Variants in BMPR1A observed in about 807,000 individuals in gnomAD.
The protein encoded by BMPR1A is bone morphogenetic protein receptor type-1A.
Under a neutral mutation model 66.0 loss-of-function variants are expected in BMPR1A, and 7 were observed. The ratio of observed to expected loss-of-function variants is 0.11; its 90% CI spans 0.06 to 0.20. BMPR1A has a LOEUF of 0.20. Ranked by LOEUF, BMPR1A falls within the 10% of genes least tolerant of loss-of-function variation. BMPR1A has a pLI of 1.00. For synonymous variants in BMPR1A, 200 were observed against 229.7 expected (o/e 0.87, Z 1.17); for missense variants, 408 against 669.1 (o/e 0.61, Z 4.31).
At position 86,782,691 on chromosome 10, in the gene BMPR1A, GTTAT is replaced by G. The variant is rs528144857; in HGVS notation, c.-268+25775_-268+25778del. On this transcript the variant is annotated intron_variant, in intron 1 of 12. Coordinates refer to ENST00000372037, the MANE Select transcript of BMPR1A (RefSeq NM_004329.3). Reference sequence around the variant, plus strand: ...AGTCCTTAGCTCATTTTAAAGTTGTGTTATTTGTGGTTTTTGTTTTGTTACTGAG... The same window carrying G: ...AGTCCTTAGCTCATTTTAAAGTTGTGTTGTGGTTTTTGTTTTGTTACTGAG... 1.2e-3 allele frequency among the ~76,000 whole-genome samples: 176 copies of G among 151,094 alleles called. 1 individual carries two copies. Among genetic ancestry groups the G allele is most frequent in the African/African-American group, 4.2e-3 (173 of 41,266 alleles).
At chr10:86,854,876 A>G (rs1842617629) in intron 2 of BMPR1A, 1 of 234,156 alleles carries the variant, frequency 4.3e-6, no homozygotes, top group Non-Finnish European at 9.2e-6. Flanking sequence ...CCCTCCAGGC[A>G]GGGGAATGAC....
chr10:86,758,560 T>G (rs1847917896), intron 1 of BMPR1A, among the ~76,000 whole-genome samples: 1 of 152,240 alleles, frequency 6.6e-6, no homozygotes, highest in Non-Finnish European at 1.5e-5. Flanking sequence ...TCAAGCTGTC[T>G]TGTTGCTGCT....
Position 86,919,356 on chromosome 10 carries a change from C to T in BMPR1A, c.1053C>T (p.Gly351=), listed in dbSNP as rs1554891081. 1.2e-5 allele frequency: 19 copies of T among 1,613,274 alleles called. No homozygotes were observed. Among genetic ancestry groups the T allele is most frequent in the Non-Finnish European group, 1.6e-5 (19 of 1,179,858 alleles). Residue 351 remains glycine, a synonymous_variant, in exon 10 of 13, where the codon GGC becomes GGT. Coordinates refer to ENST00000372037, the MANE Select transcript of BMPR1A (RefSeq NM_004329.3). The part of the protein sequence containing the change: ...GLCHLHTEIY[G]TQGKPAIAHR... The stretch of plus-strand genomic sequence containing the variant: ...GCCACCTGCACACAGAAATTTATGG[C>T]ACCCAAGGAAAGCCCGCAATTGCTC...
chr10:86,777,407 C>G (rs1161431848), intron 1 of BMPR1A, among the ~76,000 whole-genome samples: 2 of 151,998 alleles, frequency 1.3e-5, no homozygotes, highest in African/African-American at 4.8e-5. Context: ...TAGTGAAACA[C>G]TGTGTCTGCA....
intron 5 of BMPR1A, among the ~76,000 whole-genome samples, chr10:86,895,080 A>C (rs1843207060): frequency 6.6e-6 from 1 of 152,222 alleles, no homozygotes; most frequent in Non-Finnish European, 1.5e-5. Context: ...ATTCGAAGTA[A>C]AGGCATCAGT....
chr10:86,821,256 C>T (rs1033482417), intron 1 of BMPR1A, among the ~76,000 whole-genome samples: 27 of 152,170 alleles, frequency 1.8e-4, no homozygotes, highest in African/African-American at 5.6e-4. Flanking sequence ...TTAGTTTCCT[C>T]ATCTTGAAAA....
intron 7 of BMPR1A, among the ~76,000 whole-genome samples, chr10:86,902,368 TTTTG>T (rs1318016416): frequency 4.1e-5 from 6 of 147,308 alleles, no homozygotes; most frequent in African/African-American, 1.6e-4. Flanking sequence ...ACTTTTCTTT[TTTTG>T]TTTTTTTTTC....
At chr10:86,878,160 CT>C (rs1460652179) in intron 3 of BMPR1A, among the ~76,000 whole-genome samples, 2 of 152,154 alleles carry the variant, frequency 1.3e-5, no homozygotes, top group Non-Finnish European at 2.9e-5. Flanking sequence ...GACTTTAGCT[CT>C]AGCTTTATCT....
chr10:86,921,369 T>A (rs996611090), intron 10 of BMPR1A, 151 bp from the exon 11 acceptor site: 2 of 975,802 alleles, frequency 2.0e-6, no homozygotes, highest in African/African-American at 1.6e-5. Flanking sequence ...GTATGTAGCA[T>A]GTATTTAAAG....
rs191171272 is a variant in BMPR1A, at chr10:86,757,707, A to G, written c.-268+788A>G. 2.6e-5 allele frequency among the ~76,000 whole-genome samples: 4 copies of G among 152,318 alleles called. No individual in the cohort carries two copies. In the East Asian group the frequency reaches 7.7e-4, roughly 29 times the overall value. ...TAACAAACTGTTCAGAGTACATAGT[A>G]TGAACTTGGCACCTGTGTTACGTCA... On this transcript the variant is annotated intron_variant, in intron 1 of 12. Coordinates refer to ENST00000372037, the MANE Select transcript of BMPR1A (RefSeq NM_004329.3).
downstream of BMPR1A, chr10:86,931,313 A>ATATATATATATATATATT (rs368438719): frequency 1.5e-5 from 2 of 133,042 alleles, no homozygotes; most frequent in African/African-American, 6.2e-5. Context: ...ATATATATAT[A>ATATATATATATATATATT]TTCAAGCAAT....
At chr10:86,826,508 C>G (rs1213656767) in intron 1 of BMPR1A, among the ~76,000 whole-genome samples, 3 of 151,866 alleles carry the variant, frequency 2.0e-5, no homozygotes, top group Non-Finnish European at 4.4e-5. Context: ...CCACCTCCAT[C>G]TACCACCCGG....
chr10:86,783,846 C>G (rs1841474529), intron 1 of BMPR1A, among the ~76,000 whole-genome samples: 1 of 152,024 alleles, frequency 6.6e-6, no homozygotes, highest in Admixed American at 6.6e-5. Context: ...ACTGTGCTGG[C>G]CTTATTCTTA....
At position 86,763,204 on chromosome 10, in the gene BMPR1A, G is replaced by A. The variant is rs2353786; in HGVS notation, c.-268+6285G>A. ...CCACTGCGCCCGGCCAGAAGTATTC[G>A]GTAAAGTGAGCAGTTTTTGCAGCTT... On this transcript the variant is annotated intron_variant, in intron 1 of 12. Transcript: ENST00000372037. 0.45 allele frequency among the ~76,000 whole-genome samples: 68,931 copies of A among 151,954 alleles called. 16,031 individuals are homozygous for A. Among genetic ancestry groups the A allele is most frequent in the East Asian group, 0.72 (3,716 of 5,166 alleles).
Position 86,873,712 on chromosome 10 carries a change from A to G in BMPR1A, c.-152-2155A>G, listed in dbSNP as rs962323589. ...GAAATACACTGGAAACTTCTCTTGAATTGGAAACCTGGAACATATATCCTT... is the reference window on the plus strand; with the variant it reads ...GAAATACACTGGAAACTTCTCTTGAGTTGGAAACCTGGAACATATATCCTT... On this transcript the variant is annotated intron_variant, in intron 2 of 12. Coordinates refer to ENST00000372037, the MANE Select transcript of BMPR1A (RefSeq NM_004329.3). 5.3e-5 allele frequency among the ~76,000 whole-genome samples: 8 copies of G among 152,244 alleles called. No homozygotes were observed. The South Asian group carries it at 6.2e-4, about 12-fold the overall frequency.
At chr10:86,902,656 A>G (rs543801926) in intron 7 of BMPR1A, among the ~76,000 whole-genome samples, 1 of 152,314 alleles carries the variant, frequency 6.6e-6, no homozygotes, top group South Asian at 2.1e-4. Flanking sequence ...TTGCCAATCA[A>G]GGTGTCAGGC....
In BMPR1A at chr10:86,876,048, A is replaced by G. The variant is rs754752449; in HGVS notation, c.30A>G (p.Leu10=). Residue 10 remains leucine, a synonymous_variant, in exon 3 of 13, where the codon TTA becomes TTG. Coordinates refer to ENST00000372037, the MANE Select transcript of BMPR1A (RefSeq NM_004329.3). ...CTCAGCTATACATTTACATCAGATT[A>G]TTGGGAGCCTATTTGTTCATCATTT... MPQLYIYIR[L]LGAYLFIISR... is the part of the protein sequence containing the mutation. 3.1e-6 allele frequency: 5 copies of G among 1,611,944 alleles called. 1 individual carries two copies. In the Admixed American group the frequency reaches 6.7e-5, roughly 21 times the overall value.
rs1841193094 is a variant in BMPR1A at position 86,767,858 on chromosome 10, G to C, written c.-268+10939G>C. Among the ~76,000 whole-genome samples, 7 of 152,138 alleles carry C rather than the reference G, an allele frequency of 4.6e-5. No individual in the cohort carries two copies. The South Asian group carries it at 1.4e-3, about 31-fold the overall frequency. The stretch of plus-strand genomic sequence containing the variant: ...GCAGGGAAGATGGTCTCTTGTCGCT[G>C]GAGAGAATTTGGCACCACACCTAAA... On this transcript the variant is annotated intron_variant, in intron 1 of 12. Coordinates refer to ENST00000372037, the MANE Select transcript of BMPR1A (RefSeq NM_004329.3).
intron 1 of BMPR1A, among the ~76,000 whole-genome samples, chr10:86,793,025 G>C (rs949632144): frequency 4.0e-5 from 6 of 151,760 alleles, no homozygotes; most frequent in African/African-American, 1.5e-4. Flanking sequence ...GTTTCTTTCT[G>C]GTAAGTCTTC....
Sources: allele counts gnomAD v4.1 joint callset (sites outside exome capture counted in the v4.1 genomes callset), GRCh38; gene constraint gnomAD v4.1.1; transcripts MANE v1.5; gene names NCBI Gene and HGNC (gene_info 2026-07-23, HGNC 2026-07-21).